Variants in KIAA1614 observed in about 807,000 individuals in gnomAD.
KIAA1614 encodes the protein uncharacterized protein KIAA1614.
In KIAA1614, 76 loss-of-function variants were observed where a neutral mutation model predicts 88.7. That is an observed-to-expected ratio of 0.86 (90% confidence interval 0.71 to 1.04). The LOEUF is 1.04. Ranked by LOEUF, KIAA1614 falls within the 50% of genes least tolerant of loss-of-function variation. The probability of loss-of-function intolerance (pLI) is 0.00; values close to 1 mark genes in which losing one functional copy is unlikely to be tolerated. For synonymous variants in KIAA1614, 714 were observed against 675.5 expected (o/e 1.06, Z -0.88); for missense variants, 1,553 against 1,582.5 (o/e 0.98, Z 0.32).
intron 5 of KIAA1614, among the ~76,000 whole-genome samples, chr1:180,938,030 C>T (rs1654371417): frequency 6.6e-6 from 1 of 152,216 alleles, no homozygotes; most frequent in Admixed American, 6.5e-5. Flanking sequence ...ACGGCACCAT[C>T]TCCTAGGACT....
chr1:180,919,057 C>A (rs1653888316), intron 3 of KIAA1614, among the ~76,000 whole-genome samples: 1 of 152,154 alleles, frequency 6.6e-6, no homozygotes, highest in Admixed American at 6.6e-5. Flanking sequence ...GAGGGCCATG[C>A]CCCATGACCT....
In KIAA1614 at chr1:180,945,637, T is replaced by G. The variant is rs1368101374; in HGVS notation, c.*49T>G. On this transcript the variant is annotated 3_prime_UTR_variant, in exon 9 of 9. Transcript: ENST00000367588. ...AAAGCCTCTGACTACAGGACTAGGC[T>G]TCTCCCCTCAGGGGCTCTTTCTGAA... The G allele has an allele frequency of 7.8e-6, 12 of 1,531,966 alleles. No individual in the cohort carries two copies. The East Asian group carries it at 2.4e-4, about 30-fold the overall frequency. 94.9% of individuals were successfully genotyped at this position (1,531,966 alleles called of 1,614,324 possible). A position where few individuals can be genotyped will look rare whatever the true frequency, so the allele number is the denominator to read the frequency against.
chr1:180,932,061 A>T (rs1489312823), intron 4 of KIAA1614, among the ~76,000 whole-genome samples: 1 of 152,126 alleles, frequency 6.6e-6, no homozygotes, highest in African/African-American at 2.4e-5. Context: ...CTCCACAGGA[A>T]CAGGGACCCC....
At position 180,948,195 on chromosome 1, in the gene KIAA1614, C is replaced by G. The variant is rs2102280373; in HGVS notation, c.*2607C>G. On this transcript the variant is annotated 3_prime_UTR_variant, in exon 9 of 9. Coordinates refer to ENST00000367588, the MANE Select transcript of KIAA1614 (RefSeq NM_020950.2). ...CCACGCACATGAAGCCTGGCGAGTG[C>G]TGGGGCCTCCGTGTCCCAGGCCATC... 1 of 152,396 alleles carries G rather than the reference C, an allele frequency of 6.6e-6. No homozygotes were observed. Among genetic ancestry groups the G allele is most frequent in the East Asian group, 1.9e-4 (1 of 5,184 alleles). 9.4% of individuals were successfully genotyped at this position (152,396 alleles called of 1,614,324 possible).
chr1:180,920,802 T>A (rs1653936807), intron 3 of KIAA1614, among the ~76,000 whole-genome samples: 1 of 152,064 alleles, frequency 6.6e-6, no homozygotes, highest in African/African-American at 2.4e-5. Flanking sequence ...CCTTAAAGGC[T>A]AAGGGTCAGA....
intron 4 of KIAA1614, among the ~76,000 whole-genome samples, chr1:180,932,901 G>A (rs1654233398): frequency 1.3e-5 from 2 of 151,982 alleles, no homozygotes; most frequent in East Asian, 1.9e-4. Flanking sequence ...CACCACTCCC[G>A]GCTAATTTTT....
chr1:180,918,044 G>A (rs1653860447), intron 3 of KIAA1614, 130 bp downstream of exon 3: 3 of 751,522 alleles, frequency 4.0e-6, no homozygotes, highest in Admixed American at 2.1e-5. Flanking sequence ...GCAGACCAGT[G>A]GACGTCATCA....
At chr1:180,914,449 T>G (rs143373520) in intron 1 of KIAA1614, among the ~76,000 whole-genome samples, 24 of 152,356 alleles carry the variant, frequency 1.6e-4, no homozygotes, top group African/African-American at 5.5e-4. Context: ...ATGAGAAGCT[T>G]TGGTTTCCAA....
At chr1:180,927,119 G>A (rs1654086138) in intron 3 of KIAA1614, among the ~76,000 whole-genome samples, 1 of 152,092 alleles carries the variant, frequency 6.6e-6, no homozygotes. Context: ...CTTCCTTGGA[G>A]GCCTCAGAGC....
chr1:180,935,536 A>G lies in KIAA1614; in HGVS notation c.1627A>G (p.Ile543Val). The change falls in exon 5 of 9, where the codon ATC (isoleucine) becomes GTC (valine). Residue 543 changes from isoleucine (I) to valine (V), a missense_variant. Physicochemically the swap from Ile to Val is conservative, Grantham distance 29 (BLOSUM62 3). Coordinates refer to ENST00000367588, the MANE Select transcript of KIAA1614 (RefSeq NM_020950.2). This position sits in a 1 kb window ranked among gnomAD's most constrained non-coding sequence, Gnocchi z 6.1. ...ERRCQACGSC[I>V]DDPRPAQGKA... ...GAGGTGCCAGGCCTGCGGCAGCTGCATCGACGACCCGCGCCCCGCCCAGGG... is the reference window on the plus strand; with the variant it reads ...GAGGTGCCAGGCCTGCGGCAGCTGCGTCGACGACCCGCGCCCCGCCCAGGG... 1 of 1,572,358 alleles carries G rather than the reference A, an allele frequency of 6.4e-7. No homozygotes were observed. The highest frequency in any genetic ancestry group is 8.6e-7 in the Non-Finnish European group (1 of 1,161,794).
chr1:180,915,524 A>G (rs1653769810), intron 1 of KIAA1614, among the ~76,000 whole-genome samples: 1 of 152,240 alleles, frequency 6.6e-6, no homozygotes, highest in Admixed American at 6.5e-5. Context: ...TTGCCCGTCT[A>G]TAAAATGGGG....
rs1448099441 is a variant in KIAA1614, at chr1:180,945,552, C to T, written c.3537C>T (p.Phe1179=). Residue 1179 remains phenylalanine (F), a synonymous_variant, in exon 9 of 9, where the codon TTC becomes TTT. Transcript: ENST00000367588. The part of the protein sequence containing the change: ...WGGLSKQGRA[F]WLWSEAFLVF... The stretch of plus-strand genomic sequence containing the variant: ...GCCTTAGCAAACAAGGCAGGGCCTT[C>T]TGGCTGTGGTCAGAGGCTTTTCTGG... The T allele has an allele frequency of 6.2e-7, 1 of 1,613,576 alleles. No individual in the cohort carries two copies. The highest frequency in any genetic ancestry group is 2.2e-5 in the East Asian group (1 of 44,872).
Position 180,928,555 on chromosome 1 carries a change from C to A in KIAA1614, c.1187C>A (p.Thr396Asn), listed in dbSNP as rs774329673. 2 of 1,612,638 alleles carry A rather than the reference C, an allele frequency of 1.2e-6. No homozygotes were observed. Among genetic ancestry groups the A allele is most frequent in the Non-Finnish European group, 1.7e-6 (2 of 1,179,718 alleles). Reference sequence around the variant, plus strand: ...CGTGCCAGCCATGACATCGTGCCCACCATTACCCAGGGCAGCCGGTGAGTG... The same window carrying A: ...CGTGCCAGCCATGACATCGTGCCCAACATTACCCAGGGCAGCCGGTGAGTG... The part of the protein sequence containing the change: ...PLRASHDIVP[T>N]ITQGSRDGHR... The change falls in exon 4 of 9, where the codon ACC becomes AAC. Residue 396 changes from threonine (T) to asparagine (N), a missense_variant. Physicochemically the swap from Thr to Asn is moderately conservative, Grantham distance 65. Transcript: ENST00000367588.
chr1:180,945,103 C>T (rs903247477), intron 8 of KIAA1614, 200 bp from the exon 9 acceptor site: 7 of 558,556 alleles, frequency 1.3e-5, no homozygotes, highest in African/African-American at 2.0e-5. Context: ...CACAGCAGGC[C>T]TTGGGGGGCC....
At chr1:180,917,803 C>T in intron 2 of KIAA1614, 48 bp from the exon 3 acceptor site, 3 of 1,496,104 alleles carry the variant, frequency 2.0e-6, no homozygotes, top group Admixed American at 1.7e-5. Context: ...CAGCTGAGAG[C>T]CCTGTTTCTG....
Position 180,932,246 on chromosome 1 carries a change from T to A in KIAA1614, c.1206-2869T>A, listed in dbSNP as rs1654213371. 2.6e-5 allele frequency among the ~76,000 whole-genome samples: 4 copies of A among 152,198 alleles called. No homozygotes were observed. The South Asian group carries it at 8.3e-4, about 32-fold the overall frequency. On this transcript the variant is annotated intron_variant, in intron 4 of 8. Transcript: ENST00000367588. ...AGATGAGTAGTGAGATCCTGCACCG[T>A]CTTCAGCAGCGGGGTGTCCTGCTCA...
At chr1:180,938,779 GA>G in intron 6 of KIAA1614, 68 bp downstream of exon 6, 1 of 1,518,778 alleles carries the variant, frequency 6.6e-7, no homozygotes, top group Non-Finnish European at 9.0e-7. Context: ...AGGGGACAGA[GA>G]CCCCCTGGAG....
At chr1:180,923,024 C>T (rs1653988828) in intron 3 of KIAA1614, among the ~76,000 whole-genome samples, 1 of 152,210 alleles carries the variant, frequency 6.6e-6, no homozygotes, top group Non-Finnish European at 1.5e-5. Context: ...TTGCATTTAC[C>T]CATTTCTTAT....
intron 3 of KIAA1614, among the ~76,000 whole-genome samples, chr1:180,922,059 C>T (rs941591085): frequency 6.6e-6 from 1 of 152,246 alleles, no homozygotes; most frequent in Non-Finnish European, 1.5e-5. Flanking sequence ...CAGGAGCCCG[C>T]GCCAGGGCGG....
Sources: gnomAD v4.1 joint callset for allele counts (sites outside exome capture counted in the v4.1 genomes callset) on GRCh38, gnomAD v4.1.1 for gene constraint, Gnocchi (gnomAD v3.1) non-coding constraint, MANE v1.5 for transcripts, NCBI Gene and HGNC (gene_info 2026-07-23, HGNC 2026-07-21) for gene names.